The following STX2 variants were observed in gnomAD, a reference collection of about 807,000 sequenced individuals.
The protein encoded by STX2 is syntaxin-2.
STX2 carries 27 observed loss-of-function variants against 40.6 expected under a neutral mutation model. The ratio of observed to expected loss-of-function variants is 0.66; its 90% confidence interval spans 0.49 to 0.92. The LOEUF (loss-of-function observed/expected upper bound fraction) is 0.92, where lower values mean the gene tolerates loss of function less well. STX2 is among the 40% of genes least tolerant of loss of function. The probability of loss-of-function intolerance (pLI) is 0.00; values close to 1 mark genes in which losing one functional copy is unlikely to be tolerated. For missense variants in STX2, 328 were observed against 366.1 expected (o/e 0.90, Z 0.85); for synonymous variants, 123 against 119.1 (o/e 1.03, Z -0.22).
At chr12:130,801,364 GCT>G in intron 7 of STX2, 49 bp downstream of exon 7, 1 of 1,592,250 alleles carries the variant, frequency 6.3e-7, no homozygotes, top group African/African-American at 1.4e-5. Context: ...TTTTTAAAAA[GCT>G]CTGTCTACAG....
intron 1 of STX2, among the ~76,000 whole-genome samples, chr12:130,831,109 C>G (rs1001004245): frequency 1.3e-5 from 2 of 152,150 alleles, no homozygotes; most frequent in African/African-American, 4.8e-5. Context: ...GCCATTGGAA[C>G]GATCATCATT....
chr12:130,795,971 T>TA, intron 10 of STX2, 24 bp downstream of exon 10: 1 of 1,587,758 alleles, frequency 6.3e-7, no homozygotes, highest in African/African-American at 1.4e-5. Context: ...AGTTAATAAG[T>TA]AAATTAGTTG....
intron 3 of STX2, among the ~76,000 whole-genome samples, chr12:130,816,743 A>C (rs1951873319): frequency 6.6e-6 from 1 of 152,246 alleles, no homozygotes; most frequent in Non-Finnish European, 1.5e-5. Flanking sequence ...AAGAAGACTC[A>C]GAAGAAGAAA....
In STX2 at chr12:130,791,962, TAATG is replaced by T; in HGVS notation, c.*57_*60del. 6.2e-7 allele frequency: 1 copy of T among 1,605,962 alleles called. No individual in the cohort carries two copies. Among genetic ancestry groups the T allele is most frequent in the Non-Finnish European group, 8.5e-7 (1 of 1,174,676 alleles). On this transcript the variant is annotated 3_prime_UTR_variant, in exon 11 of 11. Coordinates refer to ENST00000392373, the MANE Select transcript of STX2 (RefSeq NM_194356.4). The stretch of plus-strand genomic sequence containing the variant: ...ACAAGCAAAACAATTACACAAATAA[TAATG>T]AACATCAATTTCTGCAAGATAAAGA...
chr12:130,834,356 C>CAAA (rs11355842), intron 1 of STX2, among the ~76,000 whole-genome samples: 2 of 92,808 alleles, frequency 2.2e-5, no homozygotes, highest in African/African-American at 7.9e-5. Context: ...CACTCTGTCT[C>CAAA]AAAAAAAAAA....
Position 130,818,185 on chromosome 12 carries a change from AATATATATATAT to A in STX2, c.205+3492_205+3503del, listed in dbSNP as rs1168152790. Among the ~76,000 whole-genome samples, 195 of 70,520 alleles carry A rather than the reference AATATATATATAT, an allele frequency of 2.8e-3. 14 individuals carry two copies. Among genetic ancestry groups the A allele is most frequent in the East Asian group, 4.3e-3 (16 of 3,698 alleles). The allele number at this position is 70,520 out of a possible 152,430, so 46.3% of individuals were successfully genotyped here. On this transcript the variant is annotated intron_variant, in intron 3 of 10. Coordinates refer to ENST00000392373, the MANE Select transcript of STX2 (RefSeq NM_194356.4). Reference sequence around the variant, plus strand: ...GCTGTTTCTACAAAAAAAAAAAAAAAATATATATATATATATATATATATATATATATAAAAT... The same window carrying A: ...GCTGTTTCTACAAAAAAAAAAAAAAAATATATATATATATATATATAAAAT...
chr12:130,822,206 CAGG>C (rs1952142508), intron 2 of STX2, among the ~76,000 whole-genome samples: 1 of 152,116 alleles, frequency 6.6e-6, no homozygotes, highest in Non-Finnish European at 1.5e-5. Context: ...CACTTGAGGC[CAGG>C]AGTTCAGGAC....
chr12:130,839,215 A>T lies in STX2; in HGVS notation c.-116T>A. The T allele has an allele frequency of 7.4e-6, 7 of 944,836 alleles. No individual in the cohort carries two copies. Among genetic ancestry groups the T allele is most frequent in the Non-Finnish European group, 9.0e-6 (7 of 774,260 alleles). 58.5% of individuals were successfully genotyped at this position (944,836 alleles called of 1,614,324 possible). A position where few individuals can be genotyped will look rare whatever the true frequency, so the allele number is the denominator to read the frequency against. On this transcript the variant is annotated 5_prime_UTR_variant, in exon 1 of 11. Transcript: ENST00000392373. ...CCCGCGGTCCCGGCCCGGCGCCAGC[A>T]GCCCTCCCTGGAGCCGGCGCTGCCA...
chr12:130,809,710 G>A (rs928290580), intron 4 of STX2, among the ~76,000 whole-genome samples: 2 of 152,114 alleles, frequency 1.3e-5, no homozygotes, highest in African/African-American at 2.4e-5. Flanking sequence ...CCAGCTACTC[G>A]GGAGGCTGAG....
chr12:130,813,497 C>T (rs779333963), intron 3 of STX2, among the ~76,000 whole-genome samples: 19 of 152,192 alleles, frequency 1.2e-4, no homozygotes, highest in Non-Finnish European at 2.6e-4. Flanking sequence ...CCAAAACGCC[C>T]GAATAATCAC....
intron 3 of STX2, among the ~76,000 whole-genome samples, chr12:130,820,680 A>G (rs900961161): frequency 6.6e-6 from 1 of 152,188 alleles, no homozygotes; most frequent in Non-Finnish European, 1.5e-5. Flanking sequence ...TAAAAAAAAA[A>G]ATAGATAAAT....
At chr12:130,816,336 G>A (rs1281199379) in intron 3 of STX2, among the ~76,000 whole-genome samples, 2 of 152,178 alleles carry the variant, frequency 1.3e-5, no homozygotes, top group Non-Finnish European at 2.9e-5. Flanking sequence ...ACTCCCCTGG[G>A]GAAAGAAAGC....
chr12:130,830,235 AG>A (rs1952506122), intron 1 of STX2, among the ~76,000 whole-genome samples: 1 of 152,184 alleles, frequency 6.6e-6, no homozygotes, highest in Middle Eastern at 3.2e-3. Context: ...CTGCAGCTCC[AG>A]GAAAGAGGCT....
At chr12:130,818,185 A>ATATATATATATAGATATATATATAT (rs1555222352) in intron 3 of STX2, among the ~76,000 whole-genome samples, 1 of 70,588 alleles carries the variant, frequency 1.4e-5, no homozygotes, top group African/African-American at 1.2e-4. Context: ...AAAAAAAAAA[A>ATATATATATATAGATATATATATAT]ATATATATAT....
intron 1 of STX2, among the ~76,000 whole-genome samples, chr12:130,834,356 C>CAAAA (rs11355842): frequency 1.1e-5 from 1 of 92,808 alleles, no homozygotes; most frequent in Non-Finnish European, 2.2e-5. Flanking sequence ...CACTCTGTCT[C>CAAAA]AAAAAAAAAA....
intron 4 of STX2, chr12:130,812,233 A>C: frequency 8.3e-6 from 3 of 362,720 alleles, no homozygotes; most frequent in South Asian, 6.1e-5. Flanking sequence ...TGTACTATTA[A>C]GTAATTATAA....
chr12:130,829,848 G>T (rs946631524), intron 1 of STX2, among the ~76,000 whole-genome samples: 3 of 152,156 alleles, frequency 2.0e-5, no homozygotes, highest in African/African-American at 7.2e-5. Flanking sequence ...GGGGAGGAGG[G>T]GTGGAGAGCT....
intron 6 of STX2, among the ~76,000 whole-genome samples, chr12:130,802,577 C>T (rs1364619433): frequency 2.0e-5 from 3 of 152,134 alleles, no homozygotes; most frequent in East Asian, 3.9e-4. Context: ...AGCTCACTGC[C>T]GCTTTGACCT....
chr12:130,818,185 A>ATATATATATATATAT (rs1555222352), intron 3 of STX2, among the ~76,000 whole-genome samples: 62 of 70,512 alleles, frequency 8.8e-4, no homozygotes, highest in Admixed American at 1.5e-3. Context: ...AAAAAAAAAA[A>ATATATATATATATAT]ATATATATAT....
Sources: gnomAD v4.1 joint callset for allele counts (sites outside exome capture counted in the v4.1 genomes callset) on GRCh38, gnomAD v4.1.1 for gene constraint, MANE v1.5 for transcripts, NCBI Gene and HGNC (gene_info 2026-07-23, HGNC 2026-07-21) for gene names.